The following ZNF804B variants were observed in gnomAD, a reference collection of about 807,000 sequenced individuals.
ZNF804B encodes the protein zinc finger 804B.
Under a neutral mutation model 101.4 loss-of-function variants are expected in ZNF804B, and 80 were observed. That is an observed-to-expected ratio of 0.79 (90% CI 0.66 to 0.95). The LOEUF (loss-of-function observed/expected upper bound fraction) is 0.95, where lower values mean the gene tolerates loss of function less well. Among genes scored for constraint, ZNF804B ranks in the 40% least tolerant of loss-of-function variants. ZNF804B has a pLI of 0.00. For synonymous variants in ZNF804B, 622 were observed against 558.8 expected (o/e 1.11, Z -1.59); for missense variants, 1,673 against 1,561.9 (o/e 1.07, Z -1.20).
chr7:89,104,155 C>T (rs189980309), intron 1 of ZNF804B, among the ~76,000 whole-genome samples: 1 of 152,034 alleles, frequency 6.6e-6, no homozygotes, highest in East Asian at 1.9e-4. Flanking sequence ...AAGATTTTTG[C>T]ATCTATGTTC....
chr7:89,334,300 C>A lies in ZNF804B; in HGVS notation c.1318C>A (p.Pro440Thr), dbSNP rs201630856. 5 of 1,613,686 alleles carry A rather than the reference C, an allele frequency of 3.1e-6. No homozygotes were observed. Among genetic ancestry groups the A allele is most frequent in the Non-Finnish European group, 4.2e-6 (5 of 1,179,830 alleles). The change falls in exon 4 of 4, where the codon CCA (proline) becomes ACA (threonine). Residue 440 changes from proline (P) to threonine (T), a missense_variant. Physicochemically the swap from Pro to Thr is conservative, Grantham distance 38 (BLOSUM62 -1). Coordinates refer to ENST00000333190, the MANE Select transcript of ZNF804B (RefSeq NM_181646.5). ...ATGTACCCATAATGTGGCATCTAAA[C>A]CACTACCTTTTCTCCACGTTCAAAG... Reference protein sequence around the residue: ...EACTHNVASKPLPFLHVQSKD... With the variant: ...EACTHNVASKTLPFLHVQSKD...
At chr7:89,227,594 G>C (rs535175566) in intron 2 of ZNF804B, among the ~76,000 whole-genome samples, 1 of 152,332 alleles carries the variant, frequency 6.6e-6, no homozygotes, top group South Asian at 2.1e-4. Flanking sequence ...AGAGAATACA[G>C]TGGGGTAAAT....
intron 1 of ZNF804B, among the ~76,000 whole-genome samples, chr7:88,832,868 C>T (rs893944599): frequency 6.6e-6 from 1 of 151,890 alleles, no homozygotes; most frequent in Non-Finnish European, 1.5e-5. Flanking sequence ...TCCTTAGGAA[C>T]AGGCCTGATA....
chr7:89,266,142 A>T (rs955542710), intron 2 of ZNF804B, among the ~76,000 whole-genome samples: 1 of 152,152 alleles, frequency 6.6e-6, no homozygotes, highest in Admixed American at 6.5e-5. Flanking sequence ...GAACAGGGCC[A>T]TTTCCATTCT....
At chr7:89,084,343 T>C (rs1431109350) in intron 1 of ZNF804B, among the ~76,000 whole-genome samples, 1 of 151,816 alleles carries the variant, frequency 6.6e-6, no homozygotes, top group Non-Finnish European at 1.5e-5. Flanking sequence ...GGACCAACCA[T>C]AGTGAAGTCA....
intron 1 of ZNF804B, among the ~76,000 whole-genome samples, chr7:88,974,150 A>T (rs1793579081): frequency 6.6e-6 from 1 of 151,378 alleles, no homozygotes; most frequent in Admixed American, 6.6e-5. Context: ...TGCCAACTGC[A>T]GATAGTGAAG....
At chr7:89,287,329 C>T (rs573254234) in intron 2 of ZNF804B, among the ~76,000 whole-genome samples, 2 of 152,130 alleles carry the variant, frequency 1.3e-5, no homozygotes, top group African/African-American at 4.8e-5. Flanking sequence ...TACACGTGCA[C>T]ACACACGTAT....
intron 3 of ZNF804B, 133 bp downstream of exon 3, chr7:89,327,607 T>TA: frequency 1.7e-6 from 2 of 1,155,552 alleles, no homozygotes; most frequent in Non-Finnish European, 2.4e-6. Context: ...CAAATATAGT[T>TA]AAACATACAT....
intron 2 of ZNF804B, among the ~76,000 whole-genome samples, chr7:89,226,019 A>G (rs1789083375): frequency 6.6e-6 from 1 of 152,112 alleles, no homozygotes; most frequent in Non-Finnish European, 1.5e-5. Flanking sequence ...AAAAATTGTC[A>G]ATGGATTACA....
chr7:88,878,373 G>A (rs1244898409), intron 1 of ZNF804B, among the ~76,000 whole-genome samples: 2 of 151,894 alleles, frequency 1.3e-5, no homozygotes, highest in South Asian at 2.1e-4. Context: ...GTAATTTGAG[G>A]CCTTGTCTTG....
chr7:89,259,449 A>G (rs1279779456), intron 2 of ZNF804B, among the ~76,000 whole-genome samples: 1 of 152,126 alleles, frequency 6.6e-6, no homozygotes, highest in Admixed American at 6.6e-5. Flanking sequence ...ATTGTTTCAG[A>G]CTTGATGACT....
intron 1 of ZNF804B, among the ~76,000 whole-genome samples, chr7:88,784,776 A>G (rs1445927655): frequency 6.6e-6 from 1 of 152,060 alleles, no homozygotes; most frequent in East Asian, 1.9e-4. Flanking sequence ...ACTTACTTTT[A>G]CATTTCTTTG....
At chr7:89,274,350 C>G (rs1258138693) in intron 2 of ZNF804B, among the ~76,000 whole-genome samples, 10 of 115,748 alleles carry the variant, frequency 8.6e-5, no homozygotes, top group Non-Finnish European at 1.7e-4. Context: ...GTGATATTCC[C>G]CTTCCTGTGT....
chr7:89,036,723 A>G (rs1025567327), intron 1 of ZNF804B, among the ~76,000 whole-genome samples: 9 of 152,112 alleles, frequency 5.9e-5, no homozygotes, highest in Admixed American at 6.6e-5. Context: ...AATTTAATAC[A>G]GTGGTAAAAC....
At chr7:89,264,006 A>G (rs1292631880) in intron 2 of ZNF804B, among the ~76,000 whole-genome samples, 1 of 152,208 alleles carries the variant, frequency 6.6e-6, no homozygotes, top group Non-Finnish European at 1.5e-5. Flanking sequence ...TTTAGCAGAA[A>G]ATATTGTCTC....
At chr7:89,130,669 G>A (rs1790534367) in intron 1 of ZNF804B, among the ~76,000 whole-genome samples, 1 of 152,006 alleles carries the variant, frequency 6.6e-6, no homozygotes, top group African/African-American at 2.4e-5. Context: ...CCATGCTGAG[G>A]AGAGGGGACG....
intron 1 of ZNF804B, among the ~76,000 whole-genome samples, chr7:88,980,339 G>C (rs1027537973): frequency 1.3e-5 from 2 of 152,006 alleles, no homozygotes; most frequent in Non-Finnish European, 2.9e-5. Context: ...GAGTTCATGT[G>C]TTCCTGGATG....
intron 1 of ZNF804B, among the ~76,000 whole-genome samples, chr7:89,046,578 A>G (rs1396981384): frequency 1.3e-5 from 2 of 152,202 alleles, no homozygotes; most frequent in African/African-American, 4.8e-5. Flanking sequence ...TTAGTTATCT[A>G]ACCAAATATA....
chr7:89,154,383 A>G (rs1050186809), intron 1 of ZNF804B, among the ~76,000 whole-genome samples: 3 of 152,196 alleles, frequency 2.0e-5, no homozygotes, highest in African/African-American at 7.2e-5. Flanking sequence ...TCTGCTGGGT[A>G]TCAGTATATC....
Sources: gnomAD v4.1 joint callset for allele counts (sites outside exome capture counted in the v4.1 genomes callset) on GRCh38, gnomAD v4.1.1 for gene constraint, MANE v1.5 for transcripts, NCBI Gene and HGNC (gene_info 2026-07-23, HGNC 2026-07-21) for gene names.